RTN4RL1: variants seen among roughly 807,000 people sequenced by gnomAD.
The protein encoded by RTN4RL1 is reticulon 4 receptor like 1.
In RTN4RL1, 7 loss-of-function variants were observed where a neutral mutation model predicts 25.6. The observed-to-expected ratio is 0.27, with a 90% CI of 0.16 to 0.51. The LOEUF (loss-of-function observed/expected upper bound fraction) is 0.51. RTN4RL1 is among the 20% of genes least tolerant of loss of function. RTN4RL1 has a pLI of 0.97. For synonymous variants in RTN4RL1, 297 were observed against 288.2 expected, an observed-to-expected ratio of 1.03 and a Z score of -0.31; for missense variants, 500 against 615.6, an observed-to-expected ratio of 0.81 and a Z score of 1.99.
chr17:1,993,954 T>C (rs892805399), intron 1 of RTN4RL1, among the ~76,000 whole-genome samples: 2 of 152,184 alleles, frequency 1.3e-5, no homozygotes, highest in Admixed American at 1.3e-4. Flanking sequence ...GAAAATGCTG[T>C]GAAATCTGAA....
In RTN4RL1 at chr17:1,998,435, G is replaced by A. The variant is rs1303566615; in HGVS notation, c.13+26418C>T. On this transcript the variant is annotated intron_variant, in intron 1 of 1. Transcript: ENST00000331238. The surrounding 1 kb of genome is among the most constrained non-coding windows in gnomAD (Gnocchi z 4.9). ...CGCTGGGATCCGTTCCCTCTCGCGG[G>A]AGCCGCCGGCCGGGGATCTGCGCAC... Among the ~76,000 whole-genome samples, 1 of 152,008 alleles carries A rather than the reference G, an allele frequency of 6.6e-6. No homozygotes were observed. Among genetic ancestry groups the A allele is most frequent in the Non-Finnish European group, 1.5e-5 (1 of 67,964 alleles).
At chr17:2,005,622 C>T (rs1379383674) in intron 1 of RTN4RL1, among the ~76,000 whole-genome samples, 1 of 152,098 alleles carries the variant, frequency 6.6e-6, no homozygotes, top group Non-Finnish European at 1.5e-5. Context: ...GTTCCAAGTA[C>T]TCAGGAGGCT....
In RTN4RL1 at chr17:1,936,640, A is replaced by T; in HGVS notation, c.1182T>A (p.Pro394=). 1 of 1,595,404 alleles carries T rather than the reference A, an allele frequency of 6.3e-7. No homozygotes were observed. Among genetic ancestry groups the T allele is most frequent in the Non-Finnish European group, 8.5e-7 (1 of 1,171,730 alleles). ...TGCCCTTCCTCTTGGGCCGGGCCGT[A>T]GGCATGATGTCAAAACTGAACTTGT... ...YQHKFSFDIM[P]TARPKRKGKC... Residue 394 remains proline (P), a synonymous_variant, in exon 2 of 2, where the codon CCT becomes CCA. Transcript: ENST00000331238.
intron 1 of RTN4RL1, among the ~76,000 whole-genome samples, chr17:2,002,131 AATAG>A (rs1341651337): frequency 2.6e-5 from 4 of 152,064 alleles, no homozygotes; most frequent in African/African-American, 9.7e-5. Context: ...ATTATTAAAA[AATAG>A]ATAGTACGAG....
chr17:1,984,147 G>C (rs1053668057), intron 1 of RTN4RL1, among the ~76,000 whole-genome samples: 1 of 152,262 alleles, frequency 6.6e-6, no homozygotes, highest in African/African-American at 2.4e-5. Flanking sequence ...TTGAACGGGG[G>C]CTCCTTTCGA....
chr17:2,008,731 G>A (rs1451083474), intron 1 of RTN4RL1, among the ~76,000 whole-genome samples: 1 of 152,090 alleles, frequency 6.6e-6, no homozygotes, highest in Admixed American at 6.5e-5. Context: ...AGTGACTGTG[G>A]CCTAAGCACG....
chr17:2,002,162 G>A (rs1186037945), intron 1 of RTN4RL1, among the ~76,000 whole-genome samples: 1 of 152,084 alleles, frequency 6.6e-6, no homozygotes, highest in Non-Finnish European at 1.5e-5. Context: ...GGTCCTGGCA[G>A]ACACTGCAGC....
intron 1 of RTN4RL1, among the ~76,000 whole-genome samples, chr17:2,009,610 C>T (rs1304234470): frequency 8.3e-6 from 1 of 120,992 alleles, no homozygotes; most frequent in Admixed American, 8.7e-5. Flanking sequence ...AAAAAAAAGG[C>T]AGGATTCATG....
chr17:1,992,358 C>CAAAAAAAAAAAAAA (rs1021180493), intron 1 of RTN4RL1, among the ~76,000 whole-genome samples: 2 of 53,300 alleles, frequency 3.8e-5, no homozygotes, highest in Non-Finnish European at 4.0e-5. Context: ...GACTCTGTCT[C>CAAAAAAAAAAAAAA]AAAAAAAAAA....
chr17:2,006,057 A>G (rs980186961), intron 1 of RTN4RL1, among the ~76,000 whole-genome samples: 1 of 151,572 alleles, frequency 6.6e-6, no homozygotes, highest in Non-Finnish European at 1.5e-5. Flanking sequence ...TTGGACTCCT[A>G]AAGTGCTGGG....
Position 1,935,636 on chromosome 17 carries a change from A to G in RTN4RL1, c.*860T>C. 4.1e-6 allele frequency: 4 copies of G among 980,924 alleles called. No homozygotes were observed. The highest frequency in any genetic ancestry group is 4.8e-6 in the Non-Finnish European group (4 of 827,816). The allele number at this position is 980,924 out of a possible 1,614,324, so 60.8% of individuals were successfully genotyped here. On this transcript the variant is annotated 3_prime_UTR_variant, in exon 2 of 2. Transcript: ENST00000331238. ...ATACAATCCTTAGTTCAGCAAATAC[A>G]GTTTTCTGTATAGTTTATAAACATG...
intron 1 of RTN4RL1, among the ~76,000 whole-genome samples, chr17:1,996,181 G>C (rs928019788): frequency 6.6e-6 from 1 of 152,128 alleles, no homozygotes; most frequent in African/African-American, 2.4e-5. Flanking sequence ...TTCCTTACTC[G>C]GCTTTCTCCC....
intron 1 of RTN4RL1, among the ~76,000 whole-genome samples, chr17:1,954,736 G>A (rs1008761276): frequency 1.3e-5 from 2 of 152,272 alleles, no homozygotes; most frequent in Non-Finnish European, 2.9e-5. Context: ...ACTGCTGCGC[G>A]TCCAACTGGT....
At chr17:1,986,748 T>TAAAA (rs56653579) in intron 1 of RTN4RL1, among the ~76,000 whole-genome samples, 35,164 of 146,902 alleles carry the variant, frequency 0.24, 4,561 homozygotes, top group African/African-American at 0.35. Flanking sequence ...TAATAGCCAT[T>TAAAA]AAAAAAAAAA....
intron 1 of RTN4RL1, among the ~76,000 whole-genome samples, chr17:2,006,009 G>A (rs1194360007): frequency 6.6e-6 from 1 of 151,842 alleles, no homozygotes; most frequent in Non-Finnish European, 1.5e-5. Context: ...GGATTAGCCA[G>A]GATGGTCTCG....
intron 1 of RTN4RL1, among the ~76,000 whole-genome samples, chr17:1,945,057 G>A (rs1254902142): frequency 5.3e-5 from 8 of 151,962 alleles, no homozygotes; most frequent in East Asian, 1.9e-4. Flanking sequence ...CCCTATTCAC[G>A]CCAGGGATGC....
intron 1 of RTN4RL1, among the ~76,000 whole-genome samples, chr17:1,946,151 G>A (rs888388485): frequency 6.6e-6 from 1 of 152,194 alleles, no homozygotes; most frequent in Non-Finnish European, 1.5e-5. Context: ...GGGACAGAGG[G>A]GTTTTCCAGG....
At chr17:1,939,352 CAATAAATA>C (rs56045014) in intron 1 of RTN4RL1, among the ~76,000 whole-genome samples, 1,660 of 139,952 alleles carry the variant, frequency 0.012, 21 homozygotes, top group East Asian at 0.041. Context: ...AACTCCGTCT[CAATAAATA>C]AATAAATAAA....
chr17:1,937,814 A>G lies in RTN4RL1; in HGVS notation c.14-6T>C, dbSNP rs753315507. 1.9e-6 allele frequency: 3 copies of G among 1,571,310 alleles called. No individual in the cohort carries two copies. The highest frequency in any genetic ancestry group is 1.3e-5 in the African/African-American group (1 of 74,488). ...CAGCAACTCCACACAGCACCCTGGC[A>G]GGGAGAGAGAGCACAGCCAGGTCAG... is the stretch of plus-strand genomic sequence containing the variant. On this transcript the variant is annotated splice_polypyrimidine_tract_variant and splice_region_variant and intron_variant, in intron 1 of 1. Coordinates refer to ENST00000331238, the MANE Select transcript of RTN4RL1 (RefSeq NM_178568.4).
Sources: allele counts gnomAD v4.1 joint callset (sites outside exome capture counted in the v4.1 genomes callset), GRCh38; gene constraint gnomAD v4.1.1; non-coding constraint Gnocchi (gnomAD v3.1); transcripts MANE v1.5; gene names NCBI Gene and HGNC (gene_info 2026-07-23, HGNC 2026-07-21).